Variants in CDK13 observed in about 807,000 individuals in gnomAD.
CDK13 encodes the protein cyclin-dependent kinase 13.
Under a neutral mutation model 137.6 loss-of-function variants are expected in CDK13, and 40 were observed. The observed-to-expected ratio is 0.29, with a 90% CI of 0.23 to 0.38. The LOEUF is 0.38. Ranked by LOEUF, CDK13 falls within the 10% of genes least tolerant of loss-of-function variation. CDK13 has a pLI of 1.00. For synonymous variants in CDK13, 869 were observed against 760.1 expected, an observed-to-expected ratio of 1.14 and a Z score of -2.36; for missense variants, 1,704 against 1,951.8, an observed-to-expected ratio of 0.87 and a Z score of 2.39.
chr7:40,078,615 C>T (rs1786597135), intron 10 of CDK13, 105 bp from the exon 11 acceptor site: 2 of 536,906 alleles, frequency 3.7e-6, no homozygotes, highest in Non-Finnish European at 5.6e-6. Flanking sequence ...TTTAAATGAT[C>T]TTAGTTTTAG....
chr7:40,073,432 T>C (rs925129952), intron 9 of CDK13, among the ~76,000 whole-genome samples: 1 of 152,018 alleles, frequency 6.6e-6, no homozygotes, highest in Admixed American at 6.6e-5. Context: ...TGGAGTCCAG[T>C]AGGTCAAGGT....
intron 1 of CDK13, among the ~76,000 whole-genome samples, chr7:39,974,527 C>A (rs1251757109): frequency 6.7e-6 from 1 of 150,220 alleles, no homozygotes; most frequent in Non-Finnish European, 1.5e-5. Flanking sequence ...CTTTTAAAGG[C>A]TATTGCAATG....
chr7:39,951,989 G>A (rs1449851233), intron 1 of CDK13, 137 bp downstream of exon 1: 1 of 963,290 alleles, frequency 1.0e-6, no homozygotes, highest in Non-Finnish European at 1.4e-6. Flanking sequence ...GAGCCTCCCA[G>A]GAAGGATAGG....
rs746712798 is a variant in CDK13 at position 39,951,644 on chromosome 7, C to T, written c.1003C>T (p.Leu335=). 6.8e-7 allele frequency: 1 copy of T among 1,477,090 alleles called. No individual in the cohort carries two copies. The highest frequency in any genetic ancestry group is 8.9e-7 in the Non-Finnish European group (1 of 1,118,206). The allele number at this position is 1,477,090 out of a possible 1,614,324, so 91.5% of individuals were successfully genotyped here. A position where few individuals can be genotyped will look rare whatever the true frequency, so the allele number is the denominator to read the frequency against. ...SPVSHRASQS[L]RSRKSPSPAG... ...GGTGTCCCACAGGGCCTCTCAGAGC[C>T]TGAGGAGCCGCAAGTCCCCCAGCCC... Residue 335 remains leucine (L), a synonymous_variant, in exon 1 of 14, where the codon CTG becomes TTG. Coordinates refer to ENST00000181839, the MANE Select transcript of CDK13 (RefSeq NM_003718.5).
At chr7:40,068,654 C>A (rs1326976368) in intron 9 of CDK13, among the ~76,000 whole-genome samples, 2 of 126,016 alleles carry the variant, frequency 1.6e-5, no homozygotes, top group African/African-American at 3.1e-5. Flanking sequence ...TGCAGTGAGT[C>A]GAGATTGTGC....
intron 5 of CDK13, among the ~76,000 whole-genome samples, chr7:40,041,797 A>G (rs112859970): frequency 6.6e-6 from 1 of 152,346 alleles, no homozygotes; most frequent in East Asian, 1.9e-4. Context: ...AGTTACATGG[A>G]GTGGCATAAG....
chr7:40,084,262 C>G (rs1297483094), intron 11 of CDK13, among the ~76,000 whole-genome samples: 2 of 152,040 alleles, frequency 1.3e-5, no homozygotes, highest in African/African-American at 4.8e-5. Flanking sequence ...GGGCAGATCA[C>G]GAGGTCAAGA....
chr7:40,064,159 C>T (rs1786221204), intron 9 of CDK13, among the ~76,000 whole-genome samples: 4 of 151,738 alleles, frequency 2.6e-5, no homozygotes, highest in Admixed American at 1.3e-4. Context: ...TGGCCCACGC[C>T]TATAATCCCA....
intron 4 of CDK13, among the ~76,000 whole-genome samples, chr7:40,001,289 G>A (rs947226747): frequency 1.3e-4 from 19 of 150,708 alleles, no homozygotes; most frequent in African/African-American, 4.7e-4. Context: ...GTGGCGTGTC[G>A]TGATCTTGGC....
At chr7:40,023,322 C>T (rs745838658) in intron 5 of CDK13, among the ~76,000 whole-genome samples, 6 of 152,000 alleles carry the variant, frequency 3.9e-5, no homozygotes, top group African/African-American at 7.3e-5. Context: ...ACCTTGTCCT[C>T]CCAAAGTGTT....
rs752685344 is a variant in CDK13 at position 39,950,851 on chromosome 7, A to AGCC, written c.222_224dup (p.Ala76dup). ...CTGCTCCCGGCACGGCCGCCGCCGC[A>AGCC]GCCGCCGCCGCCGCGGCCTCCTCCT... On this transcript the variant is annotated inframe_insertion, in exon 1 of 14. Transcript: ENST00000181839. The AGCC allele has an allele frequency of 3.4e-5, 46 of 1,370,680 alleles. No individual in the cohort carries two copies. The highest frequency in any genetic ancestry group is 2.8e-4 in the Admixed American group (7 of 25,394). 84.9% of individuals were successfully genotyped at this position (1,370,680 alleles called of 1,614,324 possible).
rs1011460132 is a variant in CDK13, at chr7:39,950,846, G to A, written c.205G>A (p.Ala69Thr). ...LFLAAPGTAA[A>T]AAAAAAASSS... is the part of the protein sequence containing the mutation. ...CCTGGCTGCTCCCGGCACGGCCGCC[G>A]CCGCAGCCGCCGCCGCCGCGGCCTC... The change falls in exon 1 of 14, where the codon GCC (alanine) becomes ACC (threonine). Residue 69 changes from alanine (A) to threonine (T), a missense_variant. Transcript: ENST00000181839. The A allele has an allele frequency of 1.5e-6, 2 of 1,373,712 alleles. No homozygotes were observed. Among genetic ancestry groups the A allele is most frequent in the South Asian group, 1.7e-5 (1 of 57,768 alleles). The allele number at this position is 1,373,712 out of a possible 1,614,324, so 85.1% of individuals were successfully genotyped here. A position where few individuals can be genotyped will look rare whatever the true frequency, so the allele number is the denominator to read the frequency against.
chr7:40,033,291 A>G (rs1785417366), intron 5 of CDK13, among the ~76,000 whole-genome samples: 1 of 151,818 alleles, frequency 6.6e-6, no homozygotes, highest in African/African-American at 2.4e-5. Flanking sequence ...TAGAGTTTCC[A>G]TTTCTCTGCT....
chr7:39,969,273 A>G (rs1783943012), intron 1 of CDK13, among the ~76,000 whole-genome samples: 1 of 152,128 alleles, frequency 6.6e-6, no homozygotes, highest in African/African-American at 2.4e-5. Context: ...CAGCCTCCCA[A>G]AGTGCTGGGA....
chr7:40,036,576 AAATT>A (rs1322257300), intron 5 of CDK13, among the ~76,000 whole-genome samples: 1 of 152,132 alleles, frequency 6.6e-6, no homozygotes, highest in Non-Finnish European at 1.5e-5. Context: ...GTCTCAAAAA[AAATT>A]AAATTAAATT....
chr7:40,063,183 T>G, intron 9 of CDK13, 83 bp downstream of exon 9: 1 of 1,054,780 alleles, frequency 9.5e-7, no homozygotes, highest in African/African-American at 1.6e-5. Context: ...AGTTTGTCTT[T>G]TCAGGAAGAG....
At chr7:39,986,430 A>G (rs539514219) in intron 1 of CDK13, 4 of 152,246 alleles carry the variant, frequency 2.6e-5, no homozygotes, top group South Asian at 2.1e-4. Context: ...AGTTTCCAAG[A>G]TTTAGTTTGT....
chr7:40,022,650 CT>C (rs11336630), intron 5 of CDK13, among the ~76,000 whole-genome samples: 33,206 of 141,006 alleles, frequency 0.24, 6,469 homozygotes, highest in African/African-American at 0.53. Flanking sequence ...GAGGAAGTAT[CT>C]TTTTTTTTTT....
chr7:40,014,444 TTC>T (rs1281931860), intron 5 of CDK13, among the ~76,000 whole-genome samples: 7 of 146,786 alleles, frequency 4.8e-5, no homozygotes, highest in South Asian at 2.1e-4. Context: ...CCATGTGTAT[TTC>T]TCTCTCTTTT....
Sources: allele counts gnomAD v4.1 joint callset (sites outside exome capture counted in the v4.1 genomes callset), GRCh38; gene constraint gnomAD v4.1.1; transcripts MANE v1.5; gene names NCBI Gene and HGNC (gene_info 2026-07-23, HGNC 2026-07-21).